FBXL17: variants seen among roughly 807,000 people sequenced by gnomAD.
FBXL17 encodes F-box and leucine rich repeat protein 17, also known as F-box/LRR-repeat protein 17.
FBXL17 carries 22 observed loss-of-function variants against 66.2 expected under a neutral mutation model. The observed-to-expected ratio is 0.33, with a 90% CI of 0.24 to 0.47. The LOEUF (loss-of-function observed/expected upper bound fraction) is 0.47. Among genes scored for constraint, FBXL17 ranks in the 20% least tolerant of loss-of-function variants. The pLI is 1.00. For synonymous variants in FBXL17, 474 were observed against 400.5 expected (o/e 1.18, Z -2.19); for missense variants, 878 against 948.2 (o/e 0.93, Z 0.97).
intron 7 of FBXL17, among the ~76,000 whole-genome samples, chr5:107,995,558 T>C (rs920883402): frequency 1.3e-5 from 2 of 151,680 alleles, no homozygotes; most frequent in Admixed American, 6.6e-5. Context: ...TATAAGAGTT[T>C]GTGTGTGTGT....
chr5:108,237,217 T>A (rs563425363), intron 4 of FBXL17, among the ~76,000 whole-genome samples: 1 of 152,180 alleles, frequency 6.6e-6, no homozygotes, highest in Non-Finnish European at 1.5e-5. Flanking sequence ...ATCCCTTTAA[T>A]TCAACAAATA....
At position 108,229,490 on chromosome 5, in the gene FBXL17, GTGCTGGGATAAT is replaced by G. The variant is rs1755235727; in HGVS notation, c.1507-5274_1507-5263del. ...AAAAGGACACCCTGTTCAACAAATG[GTGCTGGGATAAT>G]TGGCAAGCCACTTGTAGGAGAATGA... On this transcript the variant is annotated intron_variant, in intron 4 of 8. Coordinates refer to ENST00000542267, the MANE Select transcript of FBXL17 (RefSeq NM_001163315.3). 5.3e-5 allele frequency among the ~76,000 whole-genome samples: 8 copies of G among 152,142 alleles called. No homozygotes were observed. In the South Asian group the frequency reaches 1.7e-3, roughly 31 times the overall value.
intron 6 of FBXL17, among the ~76,000 whole-genome samples, chr5:108,074,680 C>G (rs999229933): frequency 3.3e-5 from 5 of 152,182 alleles, no homozygotes; most frequent in African/African-American, 1.2e-4. Flanking sequence ...CCTGAGGAGT[C>G]TAAAGTCATG....
intron 4 of FBXL17, among the ~76,000 whole-genome samples, chr5:108,241,877 C>T (rs1371967516): frequency 3.3e-5 from 5 of 152,152 alleles, no homozygotes; most frequent in African/African-American, 1.2e-4. Context: ...ATTTAAAGTA[C>T]TGAAGGAAAA....
At chr5:107,898,526 G>A (rs1423382183) in intron 7 of FBXL17, among the ~76,000 whole-genome samples, 1 of 151,636 alleles carries the variant, frequency 6.6e-6, no homozygotes, top group Non-Finnish European at 1.5e-5. Flanking sequence ...TATTTTACAG[G>A]TTTGTTACAT....
At chr5:108,146,813 G>T (rs1302843123) in intron 6 of FBXL17, among the ~76,000 whole-genome samples, 1 of 152,176 alleles carries the variant, frequency 6.6e-6, no homozygotes, top group Non-Finnish European at 1.5e-5. Context: ...CAGCAAAAAG[G>T]GATCGTGAAA....
At chr5:108,192,586 G>T (rs1274183913) in intron 5 of FBXL17, among the ~76,000 whole-genome samples, 1 of 152,144 alleles carries the variant, frequency 6.6e-6, no homozygotes, top group East Asian at 1.9e-4. Flanking sequence ...TGGGTCAGGA[G>T]TTCGAGACCA....
At position 107,983,876 on chromosome 5, in the gene FBXL17, C is replaced by T. The variant is rs561287400; in HGVS notation, c.1822+37049G>A. Among the ~76,000 whole-genome samples the T allele has an allele frequency of 5.9e-5, 9 of 152,102 alleles. 1 individual carries two copies. The highest frequency in any genetic ancestry group is 1.9e-4 in the African/African-American group (8 of 41,494). ...AATAGAGGGAGGGAGACAGGAAGAA[C>T]AGGAGGACACAGTGAGAACAAAGGT... On this transcript the variant is annotated intron_variant, in intron 7 of 8. Transcript: ENST00000542267.
At chr5:108,044,215 T>A (rs905590441) in intron 6 of FBXL17, among the ~76,000 whole-genome samples, 4 of 152,122 alleles carry the variant, frequency 2.6e-5, no homozygotes, top group African/African-American at 9.7e-5. Context: ...CTTCCAGTAC[T>A]ATATTAAGAG....
intron 6 of FBXL17, among the ~76,000 whole-genome samples, chr5:108,108,664 C>T (rs991768003): frequency 1.3e-5 from 2 of 152,078 alleles, no homozygotes; most frequent in Non-Finnish European, 2.9e-5. Context: ...ATTTTTTCAG[C>T]ACTAAGTAGA....
intron 7 of FBXL17, among the ~76,000 whole-genome samples, chr5:107,994,404 G>A (rs1004921660): frequency 1.8e-4 from 28 of 152,022 alleles, no homozygotes; most frequent in Non-Finnish European, 2.9e-4. Flanking sequence ...GTGTGTGTGT[G>A]TATATATGCA....
chr5:107,900,731 C>A (rs148789354), intron 7 of FBXL17, among the ~76,000 whole-genome samples: 34 of 152,194 alleles, frequency 2.2e-4, no homozygotes, highest in African/African-American at 5.5e-4. Flanking sequence ...AAAGCTTCTA[C>A]TTAAGTAGTT....
At chr5:107,883,321 C>T (rs1354986966) in intron 7 of FBXL17, among the ~76,000 whole-genome samples, 3 of 152,200 alleles carry the variant, frequency 2.0e-5, no homozygotes, top group African/African-American at 7.2e-5. Context: ...AAGTTGGGAG[C>T]CAGCTCCCAG....
intron 7 of FBXL17, among the ~76,000 whole-genome samples, chr5:107,908,758 G>A (rs1224663899): frequency 1.3e-5 from 2 of 152,108 alleles, no homozygotes; most frequent in Admixed American, 1.3e-4. Flanking sequence ...AGCATATGAG[G>A]GAGCCTTTAT....
intron 6 of FBXL17, among the ~76,000 whole-genome samples, chr5:108,042,236 T>C (rs1747077424): frequency 6.6e-6 from 1 of 152,174 alleles, no homozygotes; most frequent in Non-Finnish European, 1.5e-5. Flanking sequence ...GAACTGTAGA[T>C]TCACATGTAG....
intron 7 of FBXL17, among the ~76,000 whole-genome samples, chr5:107,927,793 G>C (rs1013647062): frequency 4.6e-5 from 7 of 151,912 alleles, no homozygotes; most frequent in African/African-American, 4.8e-5. Flanking sequence ...TCTTTTTCTT[G>C]CCATATGCTG....
rs1314228048 is a variant in FBXL17, at chr5:108,236,282, C to G, written c.1507-12054G>C. On this transcript the variant is annotated intron_variant, in intron 4 of 8. Transcript: ENST00000542267. ...ATCCCAGCACTTTGGAAGGCCAAGG[C>G]AGGAGGATCATTTGAGGTCAGGAGT... 7.2e-5 allele frequency among the ~76,000 whole-genome samples: 11 copies of G among 151,732 alleles called. No homozygotes were observed. The South Asian group carries it at 2.3e-3, about 32-fold the overall frequency.
At position 108,381,148 on chromosome 5, in the gene FBXL17, G is replaced by A. The variant is rs1428626281; in HGVS notation, c.544C>T (p.Pro182Ser). 7.1e-7 allele frequency: 1 copy of A among 1,399,338 alleles called. No individual in the cohort carries two copies. The allele number at this position is 1,399,338 out of a possible 1,614,324, so 86.7% of individuals were successfully genotyped here. The change falls in exon 1 of 9, where the codon CCG becomes TCG. Residue 182 changes from proline (P) to serine (S), a missense_variant. Coordinates refer to ENST00000542267, the MANE Select transcript of FBXL17 (RefSeq NM_001163315.3). Reference sequence around the variant, plus strand: ...GGGAGCTCGGCCGGTGACGGTGTCGGCCCCCGGAAGAGCTGCACGGCGGCG... The same window carrying A: ...GGGAGCTCGGCCGGTGACGGTGTCGACCCCCGGAAGAGCTGCACGGCGGCG... ...PPAAVQLFRG[P>S]TPSPAELPTP...
intron 6 of FBXL17, among the ~76,000 whole-genome samples, chr5:108,030,509 C>G (rs1426681426): frequency 5.3e-5 from 8 of 152,078 alleles, no homozygotes; most frequent in African/African-American, 1.9e-4. Flanking sequence ...CTCAGATTTG[C>G]GTTATTTTAA....
Sources: allele counts gnomAD v4.1 joint callset (sites outside exome capture counted in the v4.1 genomes callset), GRCh38; gene constraint gnomAD v4.1.1; transcripts MANE v1.5; gene names NCBI Gene and HGNC (gene_info 2026-07-23, HGNC 2026-07-21).